The following PDE1A variants were observed in gnomAD, a reference collection of about 807,000 sequenced individuals.
PDE1A encodes the protein phosphodiesterase 1A, also known as dual specificity calcium/calmodulin-dependent 3',5'-cyclic nucleotide phosphodiesterase 1A.
PDE1A carries 35 observed loss-of-function variants against 61.7 expected under a neutral mutation model. The observed-to-expected ratio is 0.57, with a 90% confidence interval of 0.43 to 0.75. The LOEUF (loss-of-function observed/expected upper bound fraction) is 0.75. Ranked by LOEUF, PDE1A falls within the 30% of genes least tolerant of loss-of-function variation. The probability of loss-of-function intolerance (pLI) is 0.00; values close to 1 mark genes in which losing one functional copy is unlikely to be tolerated. For missense variants in PDE1A, 597 were observed against 630.6 expected (o/e 0.95, Z 0.57); for synonymous variants, 232 against 213.2 (o/e 1.09, Z -0.77).
intron 7 of PDE1A, among the ~76,000 whole-genome samples, chr2:182,209,215 G>A (rs1687367930): frequency 1.3e-5 from 2 of 152,236 alleles, no homozygotes; most frequent in Admixed American, 6.5e-5. Context: ...CATGGTGGAA[G>A]GTGAAAGGCA....
chr2:182,390,435 T>C (rs1385556090), intron 1 of PDE1A, among the ~76,000 whole-genome samples: 1 of 152,180 alleles, frequency 6.6e-6, no homozygotes. Flanking sequence ...CTATACATAA[T>C]ACCTTCAACC....
intron 1 of PDE1A, among the ~76,000 whole-genome samples, chr2:182,365,321 A>G (rs936026162): frequency 6.6e-6 from 1 of 152,058 alleles, no homozygotes; most frequent in Admixed American, 6.6e-5. Context: ...AACCATTAAA[A>G]TAACTCATTA....
At chr2:182,622,510 T>A in the PDE1A span, among the ~76,000 whole-genome samples, 1 of 152,172 alleles carries the variant, frequency 6.6e-6, no homozygotes. Flanking sequence ...TTTGTAAGTG[T>A]TGGAAGCACA....
the PDE1A span, among the ~76,000 whole-genome samples, chr2:182,563,404 C>T: frequency 1.3e-5 from 2 of 152,170 alleles, no homozygotes; most frequent in Admixed American, 6.5e-5. Context: ...AGTTTGATTG[C>T]ACTGTGGTCT....
the PDE1A span, among the ~76,000 whole-genome samples, chr2:182,594,645 G>T: frequency 6.6e-6 from 1 of 152,180 alleles, no homozygotes; most frequent in African/African-American, 2.4e-5. Flanking sequence ...ATTTATAAAA[G>T]ATACTGGCAT....
At chr2:182,201,647 TG>T in intron 9 of PDE1A, 40 bp downstream of exon 9, 1 of 569,398 alleles carries the variant, frequency 1.8e-6, no homozygotes, top group Non-Finnish European at 2.3e-6. Flanking sequence ...AACTTTAACA[TG>T]ACAAAAAAAA....
intron 1 of PDE1A, among the ~76,000 whole-genome samples, chr2:182,423,182 C>T (rs1703388942): frequency 2.6e-5 from 4 of 152,126 alleles, no homozygotes; most frequent in Non-Finnish European, 1.5e-5. Flanking sequence ...TCTTCCTTCC[C>T]TCATTGACAT....
At chr2:182,669,290 T>G in the PDE1A span, among the ~76,000 whole-genome samples, 32 of 152,318 alleles carry the variant, frequency 2.1e-4, no homozygotes, top group African/African-American at 7.2e-4. Flanking sequence ...AGGTGTGACT[T>G]TTAATACAAT....
At chr2:182,543,359 T>C in the PDE1A span, among the ~76,000 whole-genome samples, 1 of 152,232 alleles carries the variant, frequency 6.6e-6, no homozygotes, top group Admixed American at 6.5e-5. Context: ...AATGTACCAC[T>C]GACCATTGTT....
At chr2:182,396,143 T>G (rs770109222) in intron 1 of PDE1A, among the ~76,000 whole-genome samples, 2 of 152,176 alleles carry the variant, frequency 1.3e-5, no homozygotes, top group Non-Finnish European at 2.9e-5. Flanking sequence ...CCCGATGGCC[T>G]CATGTGGAGC....
At chr2:182,595,822 C>A in the PDE1A span, among the ~76,000 whole-genome samples, 3 of 152,066 alleles carry the variant, frequency 2.0e-5, no homozygotes, top group Non-Finnish European at 4.4e-5. Context: ...TTTTGACATC[C>A]GGAATAAAGA....
the PDE1A span, among the ~76,000 whole-genome samples, chr2:182,538,631 AAT>A: frequency 6.6e-6 from 1 of 152,298 alleles, no homozygotes; most frequent in South Asian, 2.1e-4. Flanking sequence ...ATATCTTATG[AAT>A]AGATTCTAAA....
the PDE1A span, among the ~76,000 whole-genome samples, chr2:182,701,287 G>A: frequency 6.6e-5 from 10 of 151,822 alleles, no homozygotes; most frequent in Admixed American, 1.3e-4. Context: ...CGCCCGCCTT[G>A]GCCTCCCAAA....
the PDE1A span, among the ~76,000 whole-genome samples, chr2:182,608,803 A>C: frequency 4.6e-5 from 7 of 152,368 alleles, no homozygotes; most frequent in Middle Eastern, 6.8e-3. Flanking sequence ...CGGGACTGGC[A>C]GGCAGCTCCC....
chr2:182,654,517 A>G, the PDE1A span, among the ~76,000 whole-genome samples: 1 of 152,218 alleles, frequency 6.6e-6, no homozygotes, highest in Admixed American at 6.5e-5. Flanking sequence ...TAGGGATCAT[A>G]GTAATATTCC....
At chr2:182,481,724 A>G (rs888568512) in intron 2 of PDE1A, among the ~76,000 whole-genome samples, 3 of 151,952 alleles carry the variant, frequency 2.0e-5, no homozygotes, top group Non-Finnish European at 4.4e-5. Context: ...GAAAAGCACC[A>G]ACATTGCCTT....
At chr2:182,331,494 C>G (rs997037416) in intron 1 of PDE1A, among the ~76,000 whole-genome samples, 2 of 152,154 alleles carry the variant, frequency 1.3e-5, no homozygotes, top group African/African-American at 4.8e-5. Flanking sequence ...ACCAGTTTTT[C>G]CTTTCCATAT....
chr2:182,218,679 A>G (rs923488016), intron 7 of PDE1A, among the ~76,000 whole-genome samples: 1 of 152,046 alleles, frequency 6.6e-6, no homozygotes, highest in Non-Finnish European at 1.5e-5. Context: ...GTGGGTTGGA[A>G]TGTTTTGTAA....
chr2:182,166,498 G>A (rs1020095662), downstream of PDE1A, among the ~76,000 whole-genome samples: 6 of 152,186 alleles, frequency 3.9e-5, no homozygotes, highest in Admixed American at 3.3e-4. Context: ...CTCCCGGGAA[G>A]GGGGTGGTCT....
Sources: allele counts gnomAD v4.1 joint callset (sites outside exome capture counted in the v4.1 genomes callset), GRCh38; gene constraint gnomAD v4.1.1; transcripts MANE v1.5; gene names NCBI Gene and HGNC (gene_info 2026-07-23, HGNC 2026-07-21).